The following MYO5B variants were observed in gnomAD, a reference collection of about 807,000 sequenced individuals.
The protein encoded by MYO5B is unconventional myosin-Vb.
MYO5B carries 143 observed loss-of-function variants against 229.3 expected under a neutral mutation model. That is an observed-to-expected ratio of 0.62 (90% CI 0.54 to 0.72). The LOEUF (loss-of-function observed/expected upper bound fraction) is 0.72. Ranked by LOEUF, MYO5B falls within the 30% of genes least tolerant of loss-of-function variation. MYO5B has a pLI of 0.00. For missense variants in MYO5B, 2,321 were observed against 2,331.0 expected (o/e 1.00, Z 0.09); for synonymous variants, 918 against 885.2 (o/e 1.04, Z -0.66).
intron 1 of MYO5B, among the ~76,000 whole-genome samples, chr18:50,177,444 G>T (rs187980719): frequency 1.5e-4 from 23 of 152,244 alleles, no homozygotes; most frequent in Admixed American, 1.5e-3. Context: ...TCCTCAAACA[G>T]CATTGTAATT....
At chr18:50,084,874 A>C (rs1599009038) in intron 1 of MYO5B, among the ~76,000 whole-genome samples, 1 of 152,220 alleles carries the variant, frequency 6.6e-6, no homozygotes, top group Non-Finnish European at 1.5e-5. Context: ...TAGAAAGCTG[A>C]AACTGGATCC....
At chr18:49,858,656 A>C (rs2024292019) in intron 29 of MYO5B, among the ~76,000 whole-genome samples, 1 of 152,256 alleles carries the variant, frequency 6.6e-6, no homozygotes, top group Non-Finnish European at 1.5e-5. Flanking sequence ...AGTTAGGATT[A>C]ATGAATGCCC....
At chr18:49,829,635 A>G (rs958680167) in intron 39 of MYO5B, among the ~76,000 whole-genome samples, 2 of 152,220 alleles carry the variant, frequency 1.3e-5, no homozygotes, top group Admixed American at 6.5e-5. Flanking sequence ...AGCCAGATAA[A>G]GACCCTGTAA....
intron 17 of MYO5B, among the ~76,000 whole-genome samples, chr18:49,915,195 A>G (rs187512819): frequency 2.3e-4 from 35 of 152,308 alleles, no homozygotes; most frequent in Middle Eastern, 3.4e-3. Context: ...AGTTTGAGCT[A>G]TAACTCACAT....
At chr18:50,081,633 A>C (rs16951471) in intron 1 of MYO5B, among the ~76,000 whole-genome samples, 14,268 of 152,274 alleles carry the variant, frequency 0.094, 1,233 homozygotes, top group African/African-American at 0.23. Flanking sequence ...CATAGTAAAT[A>C]AATCAGGTGT....
intron 31 of MYO5B, among the ~76,000 whole-genome samples, chr18:49,851,741 T>C (rs1296510036): frequency 6.6e-6 from 1 of 152,198 alleles, no homozygotes; most frequent in East Asian, 1.9e-4. Flanking sequence ...TTACACTCCC[T>C]GTGAGACTGC....
chr18:50,057,419 CA>C (rs2030576614), intron 1 of MYO5B, among the ~76,000 whole-genome samples: 1 of 152,214 alleles, frequency 6.6e-6, no homozygotes, highest in Non-Finnish European at 1.5e-5. Context: ...GAGGAATAAC[CA>C]GAAAGGAACA....
intron 1 of MYO5B, among the ~76,000 whole-genome samples, chr18:50,152,337 G>A (rs1158024393): frequency 6.6e-6 from 1 of 152,218 alleles, no homozygotes; most frequent in African/African-American, 2.4e-5. Context: ...CTCCCTGAAT[G>A]AAATCTGAGC....
chr18:49,867,464 G>A (rs1480913348), intron 27 of MYO5B, among the ~76,000 whole-genome samples: 1 of 152,104 alleles, frequency 6.6e-6, no homozygotes, highest in East Asian at 1.9e-4. Context: ...GTGGGTGGGG[G>A]TGAAACCGCC....
At chr18:50,086,011 C>T (rs1189702445) in intron 1 of MYO5B, among the ~76,000 whole-genome samples, 2 of 151,990 alleles carry the variant, frequency 1.3e-5, no homozygotes, top group Non-Finnish European at 2.9e-5. Flanking sequence ...CACATGTATA[C>T]ATATGTAACA....
intron 2 of MYO5B, among the ~76,000 whole-genome samples, chr18:50,052,447 T>C (rs1168996781): frequency 6.7e-6 from 1 of 148,464 alleles, no homozygotes; most frequent in African/African-American, 2.5e-5. Flanking sequence ...CAGTAAACTA[T>C]CACAAGGACA....
intron 16 of MYO5B, among the ~76,000 whole-genome samples, chr18:49,932,682 C>A (rs57433116): frequency 0.017 from 2,580 of 152,162 alleles, 69 homozygotes; most frequent in African/African-American, 0.058. Context: ...AACAAACAAA[C>A]AAACAAAAAA....
chr18:50,190,586 GTC>G (rs1227665404), intron 1 of MYO5B, among the ~76,000 whole-genome samples: 2 of 150,758 alleles, frequency 1.3e-5, no homozygotes, highest in Non-Finnish European at 2.9e-5. Context: ...GAACAGGAGT[GTC>G]TCTGTTCAAA....
rs1415369457 is a variant in MYO5B, at chr18:49,839,275, G to A, written c.4721C>T (p.Thr1574Ile). The change falls in exon 36 of 40, where the codon ACT (threonine) becomes ATT (isoleucine). Residue 1574 changes from threonine to isoleucine, a missense_variant. Physicochemically the swap from Thr to Ile is moderately conservative, Grantham distance 89. Transcript: ENST00000285039. ...SGDEGFMTQN[T>I]AKQNEHCLKN... ...AAGACAGTGTTCATTCTGCTTTGCAGTGTTCTGAGTCATGAAGCCCTGCAG... is the reference window on the plus strand; with the variant it reads ...AAGACAGTGTTCATTCTGCTTTGCAATGTTCTGAGTCATGAAGCCCTGCAG... 1 of 1,613,930 alleles carries A rather than the reference G, an allele frequency of 6.2e-7. No homozygotes were observed. Among genetic ancestry groups the A allele is most frequent in the Non-Finnish European group, 8.5e-7 (1 of 1,180,058 alleles).
At chr18:50,037,300 G>A (rs2144384620) in intron 3 of MYO5B, among the ~76,000 whole-genome samples, 1 of 152,118 alleles carries the variant, frequency 6.6e-6, no homozygotes, top group South Asian at 2.1e-4. Flanking sequence ...AGGTGTTCCA[G>A]GATCAGAGAG....
chr18:49,885,948 CTTTT>C (rs879826192), intron 22 of MYO5B, among the ~76,000 whole-genome samples: 1 of 151,882 alleles, frequency 6.6e-6, no homozygotes, highest in Non-Finnish European at 1.5e-5. Context: ...TGTTAACACC[CTTTT>C]TTTTGAGACA....
chr18:50,037,139 A>G, intron 3 of MYO5B, 145 bp from the exon 4 acceptor site: 4 of 835,396 alleles, frequency 4.8e-6, no homozygotes, highest in South Asian at 4.3e-5. Context: ...AATCAGCTCA[A>G]TCAAGGCTCA....
chr18:50,003,561 T>C (rs1415106121), intron 4 of MYO5B, among the ~76,000 whole-genome samples: 7 of 152,180 alleles, frequency 4.6e-5, no homozygotes, highest in East Asian at 1.9e-4. Context: ...ATATCTTCAT[T>C]ATCAAGTCCT....
At chr18:49,874,016 T>G (rs2024487636) in intron 26 of MYO5B, among the ~76,000 whole-genome samples, 1 of 152,182 alleles carries the variant, frequency 6.6e-6, no homozygotes, top group South Asian at 2.1e-4. Context: ...GATCCCTCTT[T>G]GGACCAAAAG....
Sources: allele counts gnomAD v4.1 joint callset (sites outside exome capture counted in the v4.1 genomes callset), GRCh38; gene constraint gnomAD v4.1.1; transcripts MANE v1.5; gene names NCBI Gene and HGNC (gene_info 2026-07-23, HGNC 2026-07-21).